The following ACSS3 variants were observed in gnomAD, a reference collection of about 807,000 sequenced individuals.
The protein encoded by ACSS3 is acyl-CoA synthetase short-chain family member 3, mitochondrial.
Under a neutral mutation model 84.2 loss-of-function variants are expected in ACSS3, and 64 were observed. The observed-to-expected ratio is 0.76, with a 90% CI of 0.62 to 0.94. ACSS3 has a LOEUF of 0.94. ACSS3 is among the 40% of genes least tolerant of loss of function. ACSS3 has a pLI of 0.00. For synonymous variants in ACSS3, 317 were observed against 310.1 expected (o/e 1.02, Z -0.23); for missense variants, 815 against 867.6 (o/e 0.94, Z 0.76).
chr12:81,215,630 G>A lies in ACSS3; in HGVS notation c.1355-1271G>A, dbSNP rs545533161. ...GATTACTTTAGATATGATGGGTTTG[G>A]CAGTTAATTCCTTGGGTATATGTAT... is the stretch of plus-strand genomic sequence containing the variant. On this transcript the variant is annotated intron_variant, in intron 9 of 15. Coordinates refer to ENST00000548058, the MANE Select transcript of ACSS3 (RefSeq NM_024560.4). Among the ~76,000 whole-genome samples the A allele has an allele frequency of 3.3e-5, 5 of 152,256 alleles. No individual in the cohort carries two copies. The East Asian group carries it at 5.8e-4, about 18-fold the overall frequency.
chr12:81,129,047 A>G (rs1425092382), intron 2 of ACSS3, among the ~76,000 whole-genome samples: 1 of 152,196 alleles, frequency 6.6e-6, no homozygotes, highest in Non-Finnish European at 1.5e-5. Flanking sequence ...TTGTCTGTAG[A>G]CCAGCTCTGG....
chr12:81,197,760 A>G (rs1776074156), intron 8 of ACSS3, among the ~76,000 whole-genome samples: 2 of 151,912 alleles, frequency 1.3e-5, no homozygotes, highest in Admixed American at 1.3e-4. Context: ...CCTTGCCTTC[A>G]TTTTCATCAA....
Position 81,151,802 on chromosome 12 carries a change from C to T in ACSS3, c.922-42C>T, listed in dbSNP as rs565177943. ...GCTATGAAGATAGAGAGTGTTTTTA[C>T]ACATTGTTTATTGATTTTAATTTCA... On this transcript the variant is annotated intron_variant, in intron 5 of 15. Coordinates refer to ENST00000548058, the MANE Select transcript of ACSS3 (RefSeq NM_024560.4). The T allele has an allele frequency of 9.1e-5, 142 of 1,559,692 alleles. No homozygotes were observed. The East Asian group carries it at 2.6e-3, about 29-fold the overall frequency.
chr12:81,101,384 G>T (rs1337741451), intron 1 of ACSS3, among the ~76,000 whole-genome samples: 3 of 151,954 alleles, frequency 2.0e-5, no homozygotes, highest in African/African-American at 7.2e-5. Context: ...TAACACAGAA[G>T]TTTTATTACA....
At chr12:81,194,721 CAG>C (rs1163693903) in intron 8 of ACSS3, among the ~76,000 whole-genome samples, 2 of 151,862 alleles carry the variant, frequency 1.3e-5, no homozygotes, top group African/African-American at 4.8e-5. Context: ...TGCAAAAACA[CAG>C]TAATAAATAC....
intron 9 of ACSS3, among the ~76,000 whole-genome samples, chr12:81,214,909 A>C (rs1454127139): frequency 6.6e-6 from 1 of 152,166 alleles, no homozygotes; most frequent in Non-Finnish European, 1.5e-5. Flanking sequence ...GAAGTAACAA[A>C]AGCATCTTGA....
intron 8 of ACSS3, among the ~76,000 whole-genome samples, chr12:81,195,595 G>GT (rs565703882): frequency 4.2e-4 from 64 of 150,634 alleles, no homozygotes; most frequent in African/African-American, 1.1e-3. Flanking sequence ...AAATTGTGTG[G>GT]TTTTTTTTTC....
chr12:81,102,218 G>A (rs1373886777), intron 1 of ACSS3, among the ~76,000 whole-genome samples: 1 of 152,094 alleles, frequency 6.6e-6, no homozygotes, highest in Admixed American at 6.6e-5. Context: ...GGAGGTTTTG[G>A]TTACTAAAAT....
At chr12:81,145,208 G>A (rs897613055) in intron 5 of ACSS3, among the ~76,000 whole-genome samples, 3 of 151,346 alleles carry the variant, frequency 2.0e-5, no homozygotes, top group Admixed American at 6.6e-5. Context: ...GAGCCACTGC[G>A]CCCGGCCCAG....
At chr12:81,207,381 G>C (rs547173187) in intron 9 of ACSS3, among the ~76,000 whole-genome samples, 1 of 152,160 alleles carries the variant, frequency 6.6e-6, no homozygotes, top group African/African-American at 2.4e-5. Context: ...AAACAATGTG[G>C]GTAGCAAGAA....
chr12:81,148,425 C>G (rs1443879695), intron 5 of ACSS3, among the ~76,000 whole-genome samples: 1 of 152,180 alleles, frequency 6.6e-6, no homozygotes, highest in African/African-American at 2.4e-5. Flanking sequence ...TCTGTGATAA[C>G]TTTGTGGTCC....
chr12:81,164,420 A>T (rs1343300732), intron 7 of ACSS3, among the ~76,000 whole-genome samples: 1 of 152,232 alleles, frequency 6.6e-6, no homozygotes. Context: ...CTCATCATCA[A>T]GCAACATGTG....
intron 13 of ACSS3, among the ~76,000 whole-genome samples, chr12:81,244,946 T>C (rs149659872): frequency 1.8e-3 from 279 of 152,152 alleles, no homozygotes; most frequent in Non-Finnish European, 3.0e-3. Context: ...TGTGGTTTGT[T>C]ATTTATTTTA....
chr12:81,254,968 G>A lies in ACSS3; in HGVS notation c.*46G>A. The A allele has an allele frequency of 1.4e-6, 2 of 1,409,260 alleles. No individual in the cohort carries two copies. Among genetic ancestry groups the A allele is most frequent in the Non-Finnish European group, 9.7e-7 (1 of 1,034,886 alleles). 87.3% of individuals were successfully genotyped at this position (1,409,260 alleles called of 1,614,324 possible). A position where few individuals can be genotyped will look rare whatever the true frequency, so the allele number is the denominator to read the frequency against. On this transcript the variant is annotated 3_prime_UTR_variant, in exon 16 of 16. Transcript: ENST00000548058. The stretch of plus-strand genomic sequence containing the variant: ...TTTGAGTTGATTTAATTTCTTAATT[G>A]AAATTAAATTATTTGAGTTGTTTCT...
chr12:81,140,068 T>C (rs73359368), intron 4 of ACSS3, among the ~76,000 whole-genome samples: 7,414 of 152,312 alleles, frequency 0.049, 468 homozygotes, highest in African/African-American at 0.14. Flanking sequence ...AAGATGCGAA[T>C]GCATGCGCTC....
chr12:81,201,201 A>G (rs1374037440), intron 9 of ACSS3, among the ~76,000 whole-genome samples: 1 of 152,226 alleles, frequency 6.6e-6, no homozygotes, highest in Non-Finnish European at 1.5e-5. Flanking sequence ...TACAGTATTT[A>G]TGTATCCCCT....
In ACSS3 at chr12:81,177,359, G is replaced by C. The variant is rs906947024; in HGVS notation, c.1250+2420G>C. On this transcript the variant is annotated intron_variant, in intron 8 of 15. Coordinates refer to ENST00000548058, the MANE Select transcript of ACSS3 (RefSeq NM_024560.4). ...ATAAAAGGCATCCAGAAGGAAAAGA[G>C]GAAGTCAAACTATCTCTCTTTGCAG... Among the ~76,000 whole-genome samples, 6 of 152,100 alleles carry C rather than the reference G, an allele frequency of 3.9e-5. No individual in the cohort carries two copies. The East Asian group carries it at 1.2e-3, about 29-fold the overall frequency.
chr12:81,169,396 G>A (rs1228418862), intron 7 of ACSS3, among the ~76,000 whole-genome samples: 3 of 152,050 alleles, frequency 2.0e-5, no homozygotes, highest in Non-Finnish European at 4.4e-5. Flanking sequence ...TTTGAAAATT[G>A]GAACAAAATA....
chr12:81,164,406 T>C (rs1887303951), intron 7 of ACSS3, among the ~76,000 whole-genome samples: 1 of 152,160 alleles, frequency 6.6e-6, no homozygotes, highest in Non-Finnish European at 1.5e-5. Flanking sequence ...TGTCAGAAAG[T>C]ATTCTCATCA....
Sources: allele counts gnomAD v4.1 joint callset (sites outside exome capture counted in the v4.1 genomes callset), GRCh38; gene constraint gnomAD v4.1.1; transcripts MANE v1.5; gene names NCBI Gene and HGNC (gene_info 2026-07-23, HGNC 2026-07-21).